Variants in MTREX observed in about 807,000 individuals in gnomAD.
The protein encoded by MTREX is exosome RNA helicase MTR4.
MTREX carries 76 observed loss-of-function variants against 135.4 expected under a neutral mutation model. The ratio of observed to expected loss-of-function variants is 0.56; its 90% CI spans 0.47 to 0.68. MTREX has a LOEUF of 0.68. MTREX is among the 30% of genes least tolerant of loss of function. The pLI is 0.00. For synonymous variants in MTREX, 404 were observed against 401.6 expected (o/e 1.01, Z -0.07); for missense variants, 920 against 1,262.1 (o/e 0.73, Z 4.11).
intron 16 of MTREX, among the ~76,000 whole-genome samples, chr5:55,373,627 A>G (rs1405775966): frequency 6.6e-6 from 1 of 152,234 alleles, no homozygotes; most frequent in East Asian, 1.9e-4. Context: ...CTACTCACAC[A>G]CACACAAATA....
chr5:55,346,798 CAA>C (rs1270890377), intron 10 of MTREX, among the ~76,000 whole-genome samples: 1 of 152,134 alleles, frequency 6.6e-6, no homozygotes, highest in Non-Finnish European at 1.5e-5. Flanking sequence ...CATGAAATCA[CAA>C]AAGTTTTTCA....
chr5:55,385,149 T>C lies in MTREX; in HGVS notation c.2053-2825T>C, dbSNP rs527863620. ...AGTCTCTGAGTCAAAATTCTAAAGC[T>C]GGGGGTGGGGAGAATGCACACTTTT... On this transcript the variant is annotated intron_variant, in intron 18 of 26. Transcript: ENST00000230640. Among the ~76,000 whole-genome samples, 5 of 152,260 alleles carry C rather than the reference T, an allele frequency of 3.3e-5. No homozygotes were observed. In the South Asian group the frequency reaches 6.2e-4, roughly 19 times the overall value.
At chr5:55,351,102 T>A in intron 13 of MTREX, 73 bp downstream of exon 13, 1 of 1,444,234 alleles carries the variant, frequency 6.9e-7, no homozygotes, top group Non-Finnish European at 9.1e-7. Context: ...GAGAACATTG[T>A]TTATAGGCAA....
chr5:55,408,967 T>G (rs1049392095), intron 22 of MTREX, among the ~76,000 whole-genome samples: 9 of 138,686 alleles, frequency 6.5e-5, no homozygotes, highest in African/African-American at 2.4e-4. Flanking sequence ...ATTTATTTAT[T>G]TTGAGACAAG....
chr5:55,335,739 G>A (rs1225440286), intron 5 of MTREX, among the ~76,000 whole-genome samples: 1 of 152,016 alleles, frequency 6.6e-6, no homozygotes, highest in Non-Finnish European at 1.5e-5. Flanking sequence ...GCACTTCCAG[G>A]TCTTTTGTAT....
chr5:55,357,559 G>A (rs570317135), intron 14 of MTREX: 1 of 153,266 alleles, frequency 6.5e-6, no homozygotes, highest in Non-Finnish European at 1.5e-5. Flanking sequence ...CAGTGAGGCT[G>A]GTGGGATCTG....
chr5:55,359,323 TAATA>T (rs1285638082), intron 15 of MTREX, among the ~76,000 whole-genome samples: 1 of 152,226 alleles, frequency 6.6e-6, no homozygotes, highest in Non-Finnish European at 1.5e-5. Context: ...AGAAAAGTGT[TAATA>T]AGATAGGAAA....
rs562629498 is a variant in MTREX at position 55,419,149 on chromosome 5, CAT to C, written c.2971+3018_2971+3019del. On this transcript the variant is annotated intron_variant, in intron 25 of 26. Transcript: ENST00000230640. Reference sequence around the variant, plus strand: ...CATGAGCCACTGCAGCTGGCCTACACATGTTTTATGATTGGAAAAATACTGTA... The same window carrying C: ...CATGAGCCACTGCAGCTGGCCTACACGTTTTATGATTGGAAAAATACTGTA... 3.0e-3 allele frequency among the ~76,000 whole-genome samples: 451 copies of C among 152,278 alleles called. 1 individual carries two copies. The highest frequency in any genetic ancestry group is 3.9e-3 in the Non-Finnish European group (262 of 68,022).
intron 16 of MTREX, among the ~76,000 whole-genome samples, chr5:55,371,376 A>G (rs1042928823): frequency 6.6e-6 from 1 of 152,174 alleles, no homozygotes; most frequent in East Asian, 1.9e-4. Context: ...TATCTATTGT[A>G]TACACTGTTA....
intron 16 of MTREX, among the ~76,000 whole-genome samples, chr5:55,369,255 C>G (rs530237955): frequency 6.9e-4 from 105 of 152,160 alleles, no homozygotes; most frequent in Non-Finnish European, 1.3e-3. Context: ...ATTTCAGATG[C>G]TGTCATTGAA....
intron 16 of MTREX, among the ~76,000 whole-genome samples, chr5:55,372,731 A>G (rs1011830886): frequency 6.6e-6 from 1 of 152,190 alleles, no homozygotes; most frequent in African/African-American, 2.4e-5. Flanking sequence ...CATATACAAA[A>G]AGTAACTCAG....
chr5:55,380,000 A>G (rs999003810), intron 18 of MTREX, among the ~76,000 whole-genome samples: 1 of 152,044 alleles, frequency 6.6e-6, no homozygotes, highest in African/African-American at 2.4e-5. Context: ...CAGTGGCACG[A>G]TCTCGGCTCA....
Position 55,344,013 on chromosome 5 carries a change from C to T in MTREX, c.907-509C>T, listed in dbSNP as rs530897471. Among the ~76,000 whole-genome samples the T allele has an allele frequency of 2.0e-5, 3 of 152,208 alleles. No homozygotes were observed. In the East Asian group the frequency reaches 5.8e-4, roughly 29 times the overall value. On this transcript the variant is annotated intron_variant, in intron 8 of 26. Coordinates refer to ENST00000230640, the MANE Select transcript of MTREX (RefSeq NM_015360.5). ...TAATTTTCCTTTACACTGATGTTCT[C>T]ATGAACTTATCTGTTTATAAGCTCC...
chr5:55,374,893 G>A (rs533749295), intron 16 of MTREX, among the ~76,000 whole-genome samples: 61 of 152,198 alleles, frequency 4.0e-4, no homozygotes, highest in African/African-American at 1.3e-3. Flanking sequence ...TTCCTTAAGC[G>A]TTGGCCAGCT....
chr5:55,411,771 T>C (rs1750887643), intron 23 of MTREX, among the ~76,000 whole-genome samples: 1 of 152,164 alleles, frequency 6.6e-6, no homozygotes, highest in African/African-American at 2.4e-5. Context: ...TTGTGTTTGT[T>C]TTTCCTTAGG....
At chr5:55,419,649 A>G (rs1751023126) in intron 25 of MTREX, among the ~76,000 whole-genome samples, 1 of 152,234 alleles carries the variant, frequency 6.6e-6, no homozygotes, top group Admixed American at 6.5e-5. Context: ...CTGACTCTAC[A>G]TAAACAATAT....
intron 19 of MTREX, among the ~76,000 whole-genome samples, chr5:55,391,928 C>G (rs896159412): frequency 2.6e-5 from 4 of 152,170 alleles, no homozygotes; most frequent in African/African-American, 9.7e-5. Flanking sequence ...ATATTAACTA[C>G]CTAATCCTCC....
At chr5:55,381,723 CT>C (rs746288267) in intron 18 of MTREX, among the ~76,000 whole-genome samples, 6 of 152,178 alleles carry the variant, frequency 3.9e-5, no homozygotes, top group Non-Finnish European at 5.9e-5. Flanking sequence ...TATTCTGCTG[CT>C]TTAAGGTGGG....
rs918417252 is a variant in MTREX at position 55,422,987 on chromosome 5, G to A, written c.3076+5G>A. The A allele has an allele frequency of 1.9e-6, 3 of 1,604,488 alleles. No homozygotes were observed. The highest frequency in any genetic ancestry group is 3.3e-5 in the Admixed American group (2 of 59,858). ...TGGAAAATAAATTTGCAGAAGGTCA[G>A]TATCAAATGGATAAGCTGTTTCTAA... On this transcript the variant is annotated splice_donor_5th_base_variant and intron_variant, in intron 26 of 26. Transcript: ENST00000230640.
Sources: gnomAD v4.1 joint callset for allele counts (sites outside exome capture counted in the v4.1 genomes callset) on GRCh38, gnomAD v4.1.1 for gene constraint, MANE v1.5 for transcripts, NCBI Gene and HGNC (gene_info 2026-07-23, HGNC 2026-07-21) for gene names.